LRP1B: variants seen among roughly 807,000 people sequenced by gnomAD.
LRP1B encodes LDL receptor related protein 1B, also known as low-density lipoprotein receptor-related protein 1B.
In LRP1B, 217 loss-of-function variants were observed where a neutral mutation model predicts 556.6. The ratio of observed to expected loss-of-function variants is 0.39; its 90% CI spans 0.35 to 0.44. The LOEUF (loss-of-function observed/expected upper bound fraction) is 0.44, where lower values mean the gene tolerates loss of function less well. Ranked by LOEUF, LRP1B falls within the 20% of genes least tolerant of loss-of-function variation. The pLI is 1.00. For synonymous variants in LRP1B, 2,047 were observed against 1,865.8 expected (o/e 1.10, Z -2.50); for missense variants, 5,053 against 5,620.8 (o/e 0.90, Z 3.23).
intron 1 of LRP1B, among the ~76,000 whole-genome samples, chr2:141,811,678 AT>A (rs532141016): frequency 1.3e-5 from 2 of 152,212 alleles, no homozygotes; most frequent in South Asian, 4.1e-4. Flanking sequence ...ATCCTATTAT[AT>A]TTTTATTAAG....
intron 7 of LRP1B, among the ~76,000 whole-genome samples, chr2:141,111,939 G>A (rs1700763253): frequency 6.6e-6 from 1 of 151,864 alleles, no homozygotes; most frequent in African/African-American, 2.4e-5. Context: ...CCAGCTGCTG[G>A]GGGTGCTGAG....
At chr2:140,504,716 A>C (rs1029471678) in intron 53 of LRP1B, among the ~76,000 whole-genome samples, 4 of 152,176 alleles carry the variant, frequency 2.6e-5, no homozygotes, top group African/African-American at 4.8e-5. Flanking sequence ...CATCCAAGCT[A>C]GAAATTCCCT....
intron 43 of LRP1B, among the ~76,000 whole-genome samples, chr2:140,592,440 T>C (rs1682264319): frequency 6.6e-6 from 1 of 152,026 alleles, no homozygotes; most frequent in Non-Finnish European, 1.5e-5. Flanking sequence ...TTAAATCAAA[T>C]ATTTCCTTTT....
intron 2 of LRP1B, among the ~76,000 whole-genome samples, chr2:141,746,080 T>C (rs1175670605): frequency 1.3e-5 from 2 of 152,128 alleles, no homozygotes; most frequent in Non-Finnish European, 2.9e-5. Flanking sequence ...AGGGTCTCTT[T>C]TGGAGTCAGG....
At chr2:140,364,184 G>C (rs938031104) in intron 72 of LRP1B, among the ~76,000 whole-genome samples, 2 of 151,564 alleles carry the variant, frequency 1.3e-5, no homozygotes, top group Non-Finnish European at 3.0e-5. Context: ...TAATGATATA[G>C]ACAGATATGT....
intron 7 of LRP1B, among the ~76,000 whole-genome samples, chr2:141,170,893 A>G (rs921033944): frequency 6.6e-6 from 1 of 152,146 alleles, no homozygotes; most frequent in African/African-American, 2.4e-5. Context: ...GGATGTCACT[A>G]TAAAGCAGAA....
At chr2:141,674,806 G>C (rs1190374867) in intron 2 of LRP1B, among the ~76,000 whole-genome samples, 1 of 151,996 alleles carries the variant, frequency 6.6e-6, no homozygotes, top group Non-Finnish European at 1.5e-5. Context: ...GCAACGGGTA[G>C]ATTTCTAGAA....
At chr2:141,553,695 A>G (rs1685839027) in intron 2 of LRP1B, among the ~76,000 whole-genome samples, 1 of 139,506 alleles carries the variant, frequency 7.2e-6, no homozygotes, top group Non-Finnish European at 1.5e-5. Context: ...TATAGAATAT[A>G]TATTATATAG....
chr2:141,800,413 A>G (rs1346458894), intron 2 of LRP1B, among the ~76,000 whole-genome samples: 1 of 152,216 alleles, frequency 6.6e-6, no homozygotes, highest in Non-Finnish European at 1.5e-5. Flanking sequence ...GAATACTATC[A>G]TAAGTAGGGC....
At chr2:141,870,022 TTCAAATG>T (rs895163531) in intron 1 of LRP1B, among the ~76,000 whole-genome samples, 2 of 152,040 alleles carry the variant, frequency 1.3e-5, no homozygotes, top group Non-Finnish European at 2.9e-5. Context: ...AATTATCAAA[TTCAAATG>T]TTTAGAAAAG....
At chr2:141,698,027 G>C (rs1219882707) in intron 2 of LRP1B, among the ~76,000 whole-genome samples, 4 of 151,960 alleles carry the variant, frequency 2.6e-5, no homozygotes. Context: ...GTAGGAGCTA[G>C]AGGTGCTAAA....
rs545586561 is a variant in LRP1B, at chr2:141,068,244, C to T, written c.1014-5971G>A. Among the ~76,000 whole-genome samples, 114 of 151,928 alleles carry T rather than the reference C, an allele frequency of 7.5e-4. 1 individual carries two copies. The Middle Eastern group carries it at 0.01, about 14-fold the overall frequency. ...AGTCTCACACCAAGGGAATAGAGGA[C>T]GCAGACATACAAGTGGGTTTAGGAG... is the stretch of plus-strand genomic sequence containing the variant. On this transcript the variant is annotated intron_variant, in intron 7 of 90. Coordinates refer to ENST00000389484, the MANE Select transcript of LRP1B (RefSeq NM_018557.3).
chr2:140,467,162 A>AT (rs141678564), intron 60 of LRP1B, among the ~76,000 whole-genome samples: 2,328 of 152,302 alleles, frequency 0.015, 60 homozygotes, highest in African/African-American at 0.051. Context: ...AAAATCTCAA[A>AT]TTTATAACAA....
intron 41 of LRP1B, among the ~76,000 whole-genome samples, chr2:140,682,202 G>T (rs1685883169): frequency 6.6e-6 from 1 of 152,216 alleles, no homozygotes; most frequent in East Asian, 1.9e-4. Flanking sequence ...ACTCTGTGAG[G>T]CTTCTTTCAT....
intron 1 of LRP1B, among the ~76,000 whole-genome samples, chr2:142,107,659 G>A (rs942260855): frequency 3.9e-5 from 6 of 151,982 alleles, no homozygotes; most frequent in African/African-American, 7.2e-5. Flanking sequence ...ACAGAGTCTC[G>A]CTCTGTTTCC....
At chr2:141,780,185 G>A (rs899911235) in intron 2 of LRP1B, among the ~76,000 whole-genome samples, 9 of 151,456 alleles carry the variant, frequency 5.9e-5, no homozygotes, top group Non-Finnish European at 1.3e-4. Flanking sequence ...AAAAAAAGAA[G>A]AATGTTTTAA....
chr2:140,702,367 G>A (rs1686679067), intron 38 of LRP1B, 60 bp downstream of exon 38: 1 of 1,607,234 alleles, frequency 6.2e-7, no homozygotes, highest in South Asian at 1.1e-5. Context: ...AACACTAAAA[G>A]TAGGTAAATT....
At chr2:140,719,531 G>T (rs952920755) in intron 35 of LRP1B, among the ~76,000 whole-genome samples, 1 of 151,824 alleles carries the variant, frequency 6.6e-6, no homozygotes, top group African/African-American at 2.4e-5. Flanking sequence ...ATGACATCTT[G>T]AACATATCTT....
chr2:140,804,648 A>ATTTTTTTTTTTTTTTTTTTTTTTTTTT lies in LRP1B; in HGVS notation c.5359+9008_5359+9009insAAAAAAAAAAAAAAAAAAAAAAAAAAA, dbSNP rs1690646115. Among the ~76,000 whole-genome samples, 5 of 103,892 alleles carry ATTTTTTTTTTTTTTTTTTTTTTTTTTT rather than the reference A, an allele frequency of 4.8e-5. 2 individuals are homozygous for ATTTTTTTTTTTTTTTTTTTTTTTTTTT. Among genetic ancestry groups the ATTTTTTTTTTTTTTTTTTTTTTTTTTT allele is most frequent in the African/African-American group, 7.1e-5 (2 of 28,124 alleles). 68.2% of individuals were successfully genotyped at this position (103,892 alleles called of 152,430 possible). On this transcript the variant is annotated intron_variant, in intron 32 of 90. Transcript: ENST00000389484. ...TTAAGAGTTAGTGTAGGTAAAAACT[A>ATTTTTTTTTTTTTTTTTTTTTTTTTTT]ATTTTTTTTTTTTTTTTTTTTTTTT... is the stretch of plus-strand genomic sequence containing the variant.
Sources: gnomAD v4.1 joint callset for allele counts (sites outside exome capture counted in the v4.1 genomes callset) on GRCh38, gnomAD v4.1.1 for gene constraint, MANE v1.5 for transcripts, NCBI Gene and HGNC (gene_info 2026-07-23, HGNC 2026-07-21) for gene names.